UBALD2: variants seen among roughly 807,000 people sequenced by gnomAD.
UBALD2 encodes the protein UBA-like domain-containing protein 2.
In UBALD2, 8 loss-of-function variants were observed where a neutral mutation model predicts 15.9. The observed-to-expected ratio is 0.50, with a 90% CI of 0.29 to 0.91. UBALD2 has a LOEUF of 0.91. Among genes scored for constraint, UBALD2 ranks in the 40% least tolerant of loss-of-function variants. The pLI, the probability that UBALD2 is intolerant of heterozygous loss-of-function variation, is 0.07. For synonymous variants in UBALD2, 113 were observed against 97.7 expected, an observed-to-expected ratio of 1.16 and a Z score of -0.93; for missense variants, 178 against 234.8, an observed-to-expected ratio of 0.76 and a Z score of 1.58.
At position 76,269,752 on chromosome 17, in the gene UBALD2, G is replaced by T. The variant is rs1017321465; in HGVS notation, c.184-442G>T. On this transcript the variant is annotated intron_variant, in intron 2 of 2. Transcript: ENST00000327490. This position sits in a 1 kb window ranked among gnomAD's most constrained non-coding sequence, Gnocchi z 4.6. ...GCTTAACTTTTCCAGGGTTGGCACA[G>T]GAGGGAGAGCCTCCCCGCTGGCCGC... Among the ~76,000 whole-genome samples, 1 of 152,212 alleles carries T rather than the reference G, an allele frequency of 6.6e-6. No individual in the cohort carries two copies. The highest frequency in any genetic ancestry group is 2.4e-5 in the African/African-American group (1 of 41,452).
At chr17:76,266,585 C>T (rs1317627059) in intron 2 of UBALD2, among the ~76,000 whole-genome samples, 1 of 152,132 alleles carries the variant, frequency 6.6e-6, no homozygotes, top group Non-Finnish European at 1.5e-5. Context: ...AGATTTTGAC[C>T]CAAGATAAGG....
intron 1 of UBALD2, 113 bp downstream of exon 1, chr17:76,265,738 G>T (rs2070539795): frequency 9.3e-6 from 12 of 1,289,200 alleles, no homozygotes; most frequent in Admixed American, 4.2e-5. Context: ...GCCCGCGAGC[G>T]GGTCTTACGC....
At chr17:76,270,095 GA>G in intron 2 of UBALD2, 98 bp from the exon 3 acceptor site, 2 of 1,284,904 alleles carry the variant, frequency 1.6e-6, no homozygotes, top group Non-Finnish European at 1.1e-6. Context: ...GAATGAAGCT[GA>G]AAAATGGGAG....
At chr17:76,266,345 G>T (rs8072202) in intron 2 of UBALD2, among the ~76,000 whole-genome samples, 19,617 of 151,982 alleles carry the variant, frequency 0.13, 3,371 homozygotes, top group African/African-American at 0.4. Flanking sequence ...AGGGCCCAGG[G>T]AGGGCGATGG....
intron 2 of UBALD2, among the ~76,000 whole-genome samples, chr17:76,266,430 C>A (rs1313358407): frequency 1.3e-5 from 2 of 150,504 alleles, no homozygotes; most frequent in Non-Finnish European, 2.9e-5. Flanking sequence ...ACACACACAC[C>A]CAGCGCTACA....
At chr17:76,267,535 C>T (rs1187585332) in intron 2 of UBALD2, among the ~76,000 whole-genome samples, 1 of 142,936 alleles carries the variant, frequency 7.0e-6, no homozygotes, top group Non-Finnish European at 1.5e-5. Flanking sequence ...TGAGAAAGGC[C>T]AGGGCAGGGG....
In UBALD2 at chr17:76,269,537, C is replaced by T. The variant is rs1166303952; in HGVS notation, c.184-657C>T. Among the ~76,000 whole-genome samples the T allele has an allele frequency of 1.3e-5, 2 of 152,186 alleles. No homozygotes were observed. The highest frequency in any genetic ancestry group is 2.4e-5 in the African/African-American group (1 of 41,438). ...TGCAGACTTGGGAGCTGGGGAGGTC[C>T]GTCTTCTCAACTTGCCCTCTGCTGT... On this transcript the variant is annotated intron_variant, in intron 2 of 2. Transcript: ENST00000327490. The surrounding 1 kb of genome is among the most constrained non-coding windows in gnomAD (Gnocchi z 4.6).
intron 2 of UBALD2, among the ~76,000 whole-genome samples, chr17:76,268,774 C>T (rs1000114880): frequency 6.8e-6 from 1 of 147,800 alleles, no homozygotes; most frequent in Middle Eastern, 3.5e-3. Flanking sequence ...TGCTCTGCCA[C>T]CTAGGCTGGA....
At chr17:76,266,000 G>C (rs1485839308) in intron 2 of UBALD2, 31 bp downstream of exon 2, 1 of 1,551,544 alleles carries the variant, frequency 6.4e-7, no homozygotes, top group African/African-American at 1.4e-5. Context: ...GCGCGGGCCG[G>C]GGCCGCTGTC....
chr17:76,265,572 T>G lies in UBALD2; in HGVS notation c.67T>G (p.Cys23Gly). Residue 23 changes from cysteine (C) to glycine (G), a missense_variant, in exon 1 of 3, where the codon TGC becomes GGC. Cys to Gly is a radical substitution (Grantham distance 159). Transcript: ENST00000327490. ...CAACCAGTTCGTGCTGGCCGCGGGC[T>G]GCGCGGCCGACCAGGCGAAGCAGTT... ...MINQFVLAAG[C>G]AADQAKQLLQ... is the part of the protein sequence containing the mutation. 1 of 1,334,984 alleles carries G rather than the reference T, an allele frequency of 7.5e-7. No homozygotes were observed. The allele number at this position is 1,334,984 out of a possible 1,614,324, so 82.7% of individuals were successfully genotyped here. A position where few individuals can be genotyped will look rare whatever the true frequency, so the allele number is the denominator to read the frequency against.
chr17:76,270,032 A>G (rs2070573708), intron 2 of UBALD2, among the ~76,000 whole-genome samples, 162 bp from the exon 3 acceptor site: 1 of 152,004 alleles, frequency 6.6e-6, no homozygotes, highest in South Asian at 2.1e-4. Flanking sequence ...TTCTGTTTGT[A>G]TTGCCTCGGG....
At position 76,265,579 on chromosome 17, in the gene UBALD2, C is replaced by A; in HGVS notation, c.74C>A (p.Ala25Asp). The A allele has an allele frequency of 1.5e-6, 2 of 1,338,220 alleles. No individual in the cohort carries two copies. The highest frequency in any genetic ancestry group is 9.8e-7 in the Non-Finnish European group (1 of 1,021,062). 82.9% of individuals were successfully genotyped at this position (1,338,220 alleles called of 1,614,324 possible). The change falls in exon 1 of 3, where the codon GCC becomes GAC. Residue 25 changes from alanine (A) to aspartate (D), a missense_variant. Ala to Asp is a moderately radical substitution (Grantham distance 126, BLOSUM62 -2). Transcript: ENST00000327490. Reference protein sequence around the residue: ...NQFVLAAGCAADQAKQLLQAA... With the variant: ...NQFVLAAGCADDQAKQLLQAA... ...TTCGTGCTGGCCGCGGGCTGCGCGGCCGACCAGGCGAAGCAGTTGCTGCAG... is the reference window on the plus strand; with the variant it reads ...TTCGTGCTGGCCGCGGGCTGCGCGGACGACCAGGCGAAGCAGTTGCTGCAG...
intron 2 of UBALD2, among the ~76,000 whole-genome samples, chr17:76,267,179 C>T (rs1490544947): frequency 2.6e-5 from 4 of 152,136 alleles, no homozygotes; most frequent in Admixed American, 6.5e-5. Context: ...CTCCTGTCAC[C>T]GGATCCTTGA....
At chr17:76,265,820 G>T (rs1257336146) in intron 1 of UBALD2, 87 bp from the exon 2 acceptor site, 5 of 1,498,228 alleles carry the variant, frequency 3.3e-6, no homozygotes, top group African/African-American at 1.4e-5. Flanking sequence ...GGCCGGGCGC[G>T]GAGGCGGGGA....
chr17:76,266,005 G>T, intron 2 of UBALD2, 36 bp downstream of exon 2: 2 of 1,545,714 alleles, frequency 1.3e-6, no homozygotes, highest in Non-Finnish European at 1.7e-6. Flanking sequence ...GGCCGGGGCC[G>T]CTGTCAGCGC....
In UBALD2 at chr17:76,265,980, G is replaced by T; in HGVS notation, c.183+11G>T. ...CACCACCACCAGATGGTAAGCGGCG[G>T]CGGGCAGGGGCGCGGGCCGGGGCCG... On this transcript the variant is annotated intron_variant, in intron 2 of 2. Transcript: ENST00000327490. 1 of 1,565,150 alleles carries T rather than the reference G, an allele frequency of 6.4e-7. No individual in the cohort carries two copies. Among genetic ancestry groups the T allele is most frequent in the African/African-American group, 1.4e-5 (1 of 73,756 alleles).
chr17:76,266,113 G>A lies in UBALD2; in HGVS notation c.183+144G>A, dbSNP rs549763593. On this transcript the variant is annotated intron_variant, in intron 2 of 2. Coordinates refer to ENST00000327490, the MANE Select transcript of UBALD2 (RefSeq NM_182565.4). ...AAGAGCGGCTCCCGGGCCGGCGCTG[G>A]CGCCTCCAACTTTGAGGCCCGCCTC... The A allele has an allele frequency of 2.4e-4, 267 of 1,116,636 alleles. 2 individuals are homozygous for A. In the African/African-American group the frequency reaches 3.1e-3, roughly 13 times the overall value. 69.2% of individuals were successfully genotyped at this position (1,116,636 alleles called of 1,614,324 possible).
Position 76,265,891 on chromosome 17 carries a change from C to A in UBALD2, c.121-16C>A. The A allele has an allele frequency of 6.2e-7, 1 of 1,600,272 alleles. No individual in the cohort carries two copies. Among genetic ancestry groups the A allele is most frequent in the Admixed American group, 1.7e-5 (1 of 58,566 alleles). ...CTCCGCCTGGCCCGCCGTGTCACTGCCCTGTTTGTCCGCAGACCGCGCTGA... is the reference window on the plus strand; with the variant it reads ...CTCCGCCTGGCCCGCCGTGTCACTGACCTGTTTGTCCGCAGACCGCGCTGA... On this transcript the variant is annotated splice_polypyrimidine_tract_variant and intron_variant, in intron 1 of 2. Coordinates refer to ENST00000327490, the MANE Select transcript of UBALD2 (RefSeq NM_182565.4).
At position 76,269,009 on chromosome 17, in the gene UBALD2, A is replaced by G. The variant is rs1446784696; in HGVS notation, c.184-1185A>G. ...CTCGGCCTCCCAAAGTGCTGGGATT[A>G]CAGACGTGAGCCACTGCGCCCTGCC... On this transcript the variant is annotated intron_variant, in intron 2 of 2. Coordinates refer to ENST00000327490, the MANE Select transcript of UBALD2 (RefSeq NM_182565.4). This position sits in a 1 kb window ranked among gnomAD's most constrained non-coding sequence, Gnocchi z 4.6. Among the ~76,000 whole-genome samples, 2 of 152,094 alleles carry G rather than the reference A, an allele frequency of 1.3e-5. No individual in the cohort carries two copies. The highest frequency in any genetic ancestry group is 6.6e-5 in the Admixed American group (1 of 15,264).
Sources: gnomAD v4.1 joint callset for allele counts (sites outside exome capture counted in the v4.1 genomes callset) on GRCh38, gnomAD v4.1.1 for gene constraint, Gnocchi (gnomAD v3.1) non-coding constraint, MANE v1.5 for transcripts, NCBI Gene and HGNC (gene_info 2026-07-23, HGNC 2026-07-21) for gene names.